CSTF3: variants seen among roughly 807,000 people sequenced by gnomAD.
CSTF3 encodes the protein CF-1 77 kDa subunit.
Under a neutral mutation model 105.8 loss-of-function variants are expected in CSTF3, and 29 were observed. The observed-to-expected ratio is 0.27, with a 90% CI of 0.20 to 0.37. The LOEUF is 0.37. CSTF3 is among the 10% of genes least tolerant of loss of function. The pLI, the probability that CSTF3 is intolerant of heterozygous loss-of-function variation, is 1.00. For synonymous variants in CSTF3, 252 were observed against 281.9 expected, an observed-to-expected ratio of 0.89 and a Z score of 1.06; for missense variants, 357 against 879.3, an observed-to-expected ratio of 0.41 and a Z score of 7.51.
intron 3 of CSTF3, among the ~76,000 whole-genome samples, chr11:33,136,806 TAG>T (rs910661703): frequency 6.7e-6 from 1 of 149,530 alleles, no homozygotes; most frequent in African/African-American, 2.6e-5. Context: ...GGGACAGGGA[TAG>T]AGTTTTGAAC....
intron 1 of CSTF3, among the ~76,000 whole-genome samples, chr11:33,161,066 C>A (rs749766274): frequency 2.0e-5 from 3 of 152,236 alleles, no homozygotes; most frequent in Non-Finnish European, 4.4e-5. Flanking sequence ...ACGAAGCAGC[C>A]TACCGCTATT....
intron 1 of CSTF3, among the ~76,000 whole-genome samples, chr11:33,155,746 C>T (rs1849857364): frequency 6.6e-6 from 1 of 152,056 alleles, no homozygotes; most frequent in Non-Finnish European, 1.5e-5. Flanking sequence ...CACACCATTA[C>T]CAACTGTCCA....
At position 33,085,168 on chromosome 11, in the gene CSTF3, T is replaced by C; in HGVS notation, c.2073A>G (p.Ser691=). 6.2e-7 allele frequency: 1 copy of C among 1,614,214 alleles called. No homozygotes were observed. The highest frequency in any genetic ancestry group is 8.5e-7 in the Non-Finnish European group (1 of 1,180,022). Residue 691 remains serine (S), a synonymous_variant, in exon 21 of 21, where the codon TCA becomes TCG. Transcript: ENST00000323959. ...CGGCTCCCTTTTCTTCATCTTCATCTGAATCCTCGTTGGGCCTTTTGACGG... is the reference window on the plus strand; with the variant it reads ...CGGCTCCCTTTTCTTCATCTTCATCCGAATCCTCGTTGGGCCTTTTGACGG... ...TKAVKRPNED[S]DEDEEKGAVV...
At chr11:33,126,191 G>C (rs2133789890) in intron 3 of CSTF3, among the ~76,000 whole-genome samples, 1 of 152,258 alleles carries the variant, frequency 6.6e-6, no homozygotes, top group Admixed American at 6.5e-5. Context: ...CAGGCACAGT[G>C]GCTCATGCCT....
At chr11:33,159,338 G>A (rs1478950684) in intron 1 of CSTF3, among the ~76,000 whole-genome samples, 1 of 152,012 alleles carries the variant, frequency 6.6e-6, no homozygotes, top group Non-Finnish European at 1.5e-5. Flanking sequence ...GCTCACGCCT[G>A]TAAATCCAGC....
intron 1 of CSTF3, among the ~76,000 whole-genome samples, chr11:33,160,850 T>G (rs1321642347): frequency 6.6e-6 from 1 of 152,242 alleles, no homozygotes; most frequent in Non-Finnish European, 1.5e-5. Flanking sequence ...TCATTAAGTC[T>G]TAATTCTCCA....
rs766402181 is a variant in CSTF3, at chr11:33,141,659, A to G, written c.225+8T>C. 6.2e-7 allele frequency: 1 copy of G among 1,608,708 alleles called. No individual in the cohort carries two copies. Among genetic ancestry groups the G allele is most frequent in the East Asian group, 2.2e-5 (1 of 44,768 alleles). On this transcript the variant is annotated splice_region_variant and intron_variant, in intron 3 of 20. Coordinates refer to ENST00000323959, the MANE Select transcript of CSTF3 (RefSeq NM_001326.3). ...CTGATATAAGAAAAAATAAAATAAA[A>G]TAGTAACCTCTGCTTCAATGTACAG...
chr11:33,088,141 T>G (rs911715903), intron 17 of CSTF3, among the ~76,000 whole-genome samples: 1 of 152,180 alleles, frequency 6.6e-6, no homozygotes, highest in African/African-American at 2.4e-5. Context: ...TTTAAAAATC[T>G]TTCTCACAGA....
intron 8 of CSTF3, among the ~76,000 whole-genome samples, chr11:33,103,976 GC>G (rs1855303942): frequency 6.6e-6 from 1 of 152,072 alleles, no homozygotes; most frequent in Admixed American, 6.6e-5. Flanking sequence ...GGTGTGCCCT[GC>G]CAGATCTGGC....
chr11:33,088,117 A>G (rs1206359797), intron 17 of CSTF3, among the ~76,000 whole-genome samples: 1 of 152,214 alleles, frequency 6.6e-6, no homozygotes, highest in Non-Finnish European at 1.5e-5. Context: ...TGGTAGACAC[A>G]TTGGGTATCG....
chr11:33,143,906 C>T (rs551968597), intron 1 of CSTF3, among the ~76,000 whole-genome samples: 86 of 150,936 alleles, frequency 5.7e-4, no homozygotes, highest in Non-Finnish European at 9.9e-4. Context: ...AGGAGAATGG[C>T]GTGAACCCAG....
intron 3 of CSTF3, among the ~76,000 whole-genome samples, chr11:33,129,059 C>T (rs960699131): frequency 1.3e-5 from 2 of 152,158 alleles, no homozygotes; most frequent in Non-Finnish European, 2.9e-5. Flanking sequence ...AAGATAATGT[C>T]CTCATCTTCC....
intron 3 of CSTF3, among the ~76,000 whole-genome samples, chr11:33,119,729 G>A (rs921233435): frequency 1.3e-5 from 2 of 151,632 alleles, no homozygotes; most frequent in African/African-American, 4.8e-5. Context: ...ATTCTATTCT[G>A]CAACTGTTTT....
chr11:33,126,160 CAG>C lies in CSTF3; in HGVS notation c.225+15505_225+15506del, dbSNP rs1286742424. 7.9e-5 allele frequency among the ~76,000 whole-genome samples: 12 copies of C among 152,244 alleles called. No individual in the cohort carries two copies. In the East Asian group the frequency reaches 1.9e-3, roughly 24 times the overall value. On this transcript the variant is annotated intron_variant, in intron 3 of 20. Transcript: ENST00000323959. ...TCCAAAAGTAATCTATTAAAGAAGC[CAG>C]ATCTGGTAAAAATCTGGTCAGGCAC...
rs34627596 is a variant in CSTF3, at chr11:33,146,855, GAA to G, written c.28-4871_28-4870del. 1.5e-4 allele frequency among the ~76,000 whole-genome samples: 21 copies of G among 144,186 alleles called. No individual in the cohort carries two copies. The South Asian group carries it at 1.7e-3, about 12-fold the overall frequency. The allele number at this position is 144,186 out of a possible 152,430, so 94.6% of individuals were successfully genotyped here. ...AATTCTTTCAATGGGTTTACTTCTT[GAA>G]AAAAAAAAAAATTAAAAGAAATTTT... On this transcript the variant is annotated intron_variant, in intron 1 of 20. Coordinates refer to ENST00000323959, the MANE Select transcript of CSTF3 (RefSeq NM_001326.3).
intron 3 of CSTF3, among the ~76,000 whole-genome samples, chr11:33,125,413 C>T (rs1855532591): frequency 6.6e-6 from 1 of 152,146 alleles, no homozygotes; most frequent in Admixed American, 6.5e-5. Flanking sequence ...GAAGAAGGTG[C>T]ATTCCTCCAG....
intron 1 of CSTF3, among the ~76,000 whole-genome samples, chr11:33,152,073 G>A (rs895356359): frequency 6.6e-6 from 1 of 152,086 alleles, no homozygotes; most frequent in East Asian, 1.9e-4. Flanking sequence ...GGCCAACATG[G>A]TGAAACCTTG....
intron 8 of CSTF3, among the ~76,000 whole-genome samples, chr11:33,104,124 G>A (rs1301035038): frequency 6.6e-6 from 1 of 152,154 alleles, no homozygotes; most frequent in Admixed American, 6.5e-5. Flanking sequence ...ATCACACCTG[G>A]CTAATAGCCC....
At chr11:33,136,225 G>A (rs767478197) in intron 3 of CSTF3, 2 of 151,678 alleles carry the variant, frequency 1.3e-5, no homozygotes, top group Non-Finnish European at 3.0e-5. Flanking sequence ...GGTATGTGGG[G>A]GAAAAAAATC....
Sources: allele counts gnomAD v4.1 joint callset (sites outside exome capture counted in the v4.1 genomes callset), GRCh38; gene constraint gnomAD v4.1.1; transcripts MANE v1.5; gene names NCBI Gene and HGNC (gene_info 2026-07-23, HGNC 2026-07-21).